Variants in ST18 observed in about 807,000 individuals in gnomAD.
The protein encoded by ST18 is suppression of tumorigenicity 18 protein.
A neutral mutation model predicts 110.0 loss-of-function variants in ST18; 50 were observed. That is an observed-to-expected ratio of 0.45 (90% CI 0.36 to 0.58). ST18 has a LOEUF of 0.58. Among genes scored for constraint, ST18 ranks in the 20% least tolerant of loss-of-function variants. The pLI is 0.00. For missense variants in ST18, 1,306 were observed against 1,280.1 expected (o/e 1.02, Z -0.31); for synonymous variants, 461 against 452.4 (o/e 1.02, Z -0.24).
chr8:52,116,476 T>A, intron 24 of ST18, 58 bp from the exon 25 acceptor site: 2 of 1,545,146 alleles, frequency 1.3e-6, no homozygotes, highest in South Asian at 2.4e-5. Context: ...GTGTAAAAGG[T>A]TTCTCCCTGA....
At chr8:52,186,713 C>T (rs1282743128) in intron 8 of ST18, among the ~76,000 whole-genome samples, 7 of 152,234 alleles carry the variant, frequency 4.6e-5, no homozygotes, top group Non-Finnish European at 2.9e-5. Flanking sequence ...TCTGAATACG[C>T]TAGCCGTGAG....
chr8:52,154,828 C>T (rs912668154), intron 15 of ST18: 1 of 147,684 alleles, frequency 6.8e-6, no homozygotes, highest in African/African-American at 2.5e-5. Context: ...CTGCAATGAG[C>T]TATGATCACA....
At position 52,383,513 on chromosome 8, in the gene ST18, A is replaced by G. The variant is rs372161499; in HGVS notation, c.-465+25815T>C. Reference sequence around the variant, plus strand: ...ACCCAGGCTGGAGTGCAGTGGCGTGATCTCAACTCACTGCAACCTCTGCCT... The same window carrying G: ...ACCCAGGCTGGAGTGCAGTGGCGTGGTCTCAACTCACTGCAACCTCTGCCT... On this transcript the variant is annotated intron_variant, in intron 2 of 25. Transcript: ENST00000689386. 1.1e-4 allele frequency among the ~76,000 whole-genome samples: 17 copies of G among 152,144 alleles called. No individual in the cohort carries two copies. In the East Asian group the frequency reaches 1.2e-3, roughly 10 times the overall value.
At chr8:52,168,566 T>G (rs1033485407) in intron 10 of ST18, among the ~76,000 whole-genome samples, 17 of 152,040 alleles carry the variant, frequency 1.1e-4, no homozygotes, top group African/African-American at 4.1e-4. Flanking sequence ...CCAAGGATCC[T>G]TCGAGTCGTT....
intron 2 of ST18, among the ~76,000 whole-genome samples, chr8:52,276,341 C>T (rs1190603123): frequency 1.3e-5 from 2 of 149,112 alleles, no homozygotes; most frequent in African/African-American, 5.0e-5. Flanking sequence ...CACACATACA[C>T]ATCATACATG....
chr8:52,270,902 A>C (rs766499479), intron 2 of ST18, among the ~76,000 whole-genome samples: 3 of 151,318 alleles, frequency 2.0e-5, no homozygotes, highest in Non-Finnish European at 2.9e-5. Flanking sequence ...TCAAGTGGTT[A>C]TAAGTTTTGT....
intron 2 of ST18, among the ~76,000 whole-genome samples, chr8:52,278,399 C>A (rs1040455541): frequency 1.4e-4 from 22 of 152,132 alleles, no homozygotes; most frequent in Non-Finnish European, 2.4e-4. Flanking sequence ...ATAACATATA[C>A]ATGTGAGGAA....
intron 2 of ST18, among the ~76,000 whole-genome samples, chr8:52,370,898 A>G (rs1830035137): frequency 6.6e-6 from 1 of 152,212 alleles, no homozygotes; most frequent in Non-Finnish European, 1.5e-5. Flanking sequence ...GATCCAGTCT[A>G]TGTAAAAGGA....
intron 10 of ST18, among the ~76,000 whole-genome samples, chr8:52,169,473 A>G (rs1387364738): frequency 6.6e-6 from 1 of 152,168 alleles, no homozygotes; most frequent in Non-Finnish European, 1.5e-5. Context: ...GTCTAACCAA[A>G]CTAATTTTAG....
intron 2 of ST18, among the ~76,000 whole-genome samples, chr8:52,388,682 G>T (rs1837871367): frequency 6.6e-6 from 1 of 151,852 alleles, no homozygotes; most frequent in African/African-American, 2.4e-5. Context: ...TAGGAAAGGA[G>T]AGAGAAGTCT....
chr8:52,326,183 A>C (rs1002124524), intron 2 of ST18, among the ~76,000 whole-genome samples: 1 of 152,220 alleles, frequency 6.6e-6, no homozygotes, highest in African/African-American at 2.4e-5. Flanking sequence ...CAAAAAAATG[A>C]GGCTAAAATT....
At chr8:52,198,101 A>T (rs2076779320) in intron 8 of ST18, among the ~76,000 whole-genome samples, 1 of 152,078 alleles carries the variant, frequency 6.6e-6, no homozygotes, top group Admixed American at 6.5e-5. Flanking sequence ...GGCTCACTGC[A>T]ACCTTCGTGA....
intron 2 of ST18, among the ~76,000 whole-genome samples, chr8:52,343,963 CA>C (rs1280546427): frequency 6.6e-6 from 1 of 152,074 alleles, no homozygotes; most frequent in East Asian, 1.9e-4. Flanking sequence ...TTTCAAGCAG[CA>C]AAAAATTACC....
chr8:52,124,850 A>G (rs753909930), intron 23 of ST18, among the ~76,000 whole-genome samples: 1 of 129,882 alleles, frequency 7.7e-6, no homozygotes, highest in Non-Finnish European at 1.5e-5. Context: ...CCTTGGAAGG[A>G]AACAGTAGGA....
Position 52,172,509 on chromosome 8 carries a change from T to C in ST18, c.352A>G (p.Arg118Gly). ...AQENSSRKED[R>G]YSCYQELMVK... ...ATGAGCTCTTGATAACAAGAGTATCTGTCTTCCTTCCTACTGGAGTTTTCT... is the reference window on the plus strand; with the variant it reads ...ATGAGCTCTTGATAACAAGAGTATCCGTCTTCCTTCCTACTGGAGTTTTCT... Residue 118 changes from arginine (R) to glycine (G), a missense_variant, in exon 10 of 26, where the codon AGA becomes GGA. Arg to Gly is a moderately radical substitution (Grantham distance 125). Coordinates refer to ENST00000689386, the MANE Select transcript of ST18 (RefSeq NM_001352837.2). 6.2e-7 allele frequency: 1 copy of C among 1,613,572 alleles called. No homozygotes were observed.
intron 2 of ST18, among the ~76,000 whole-genome samples, chr8:52,257,209 TGATG>T (rs1356374609): frequency 6.6e-6 from 1 of 152,240 alleles, no homozygotes; most frequent in Non-Finnish European, 1.5e-5. Context: ...ATTCATTGAT[TGATG>T]GACACTTATA....
chr8:52,193,054 A>C (rs1022715433), intron 8 of ST18, among the ~76,000 whole-genome samples: 1 of 152,190 alleles, frequency 6.6e-6, no homozygotes, highest in African/African-American at 2.4e-5. Context: ...ACTTGTCAGC[A>C]AATCAACAGG....
intron 2 of ST18, among the ~76,000 whole-genome samples, chr8:52,244,767 CA>C (rs1218973722): frequency 6.6e-6 from 1 of 152,098 alleles, no homozygotes; most frequent in East Asian, 1.9e-4. Context: ...CCATGCCTGC[CA>C]AACCAGCAGA....
At chr8:52,331,617 G>A (rs931689719) in intron 2 of ST18, among the ~76,000 whole-genome samples, 10 of 152,190 alleles carry the variant, frequency 6.6e-5, no homozygotes, top group Non-Finnish European at 1.3e-4. Flanking sequence ...CATAGTCACA[G>A]AGTAAATGTA....
Sources: gnomAD v4.1 joint callset for allele counts (sites outside exome capture counted in the v4.1 genomes callset) on GRCh38, gnomAD v4.1.1 for gene constraint, MANE v1.5 for transcripts, NCBI Gene and HGNC (gene_info 2026-07-23, HGNC 2026-07-21) for gene names.